Variants in MYOF observed in about 807,000 individuals in gnomAD.
MYOF encodes myoferlin.
Under a neutral mutation model 284.2 loss-of-function variants are expected in MYOF, and 244 were observed. That is an observed-to-expected ratio of 0.86 (90% CI 0.77 to 0.95). The LOEUF (loss-of-function observed/expected upper bound fraction) is 0.95, where lower values mean the gene tolerates loss of function less well. Ranked by LOEUF, MYOF falls within the 40% of genes least tolerant of loss-of-function variation. The probability of loss-of-function intolerance (pLI) is 0.00; values close to 1 mark genes in which losing one functional copy is unlikely to be tolerated. For synonymous variants in MYOF, 904 were observed against 919.7 expected (o/e 0.98, Z 0.31); for missense variants, 2,496 against 2,560.6 (o/e 0.97, Z 0.54).
At chr10:93,346,823 C>G (rs1031663095) in intron 37 of MYOF, among the ~76,000 whole-genome samples, 3 of 152,172 alleles carry the variant, frequency 2.0e-5, no homozygotes, top group African/African-American at 7.2e-5. Flanking sequence ...GGGAACATGC[C>G]TTTCTTGGTC....
intron 1 of MYOF, among the ~76,000 whole-genome samples, chr10:93,476,434 T>C (rs1415317387): frequency 2.0e-5 from 3 of 151,872 alleles, no homozygotes; most frequent in Non-Finnish European, 4.4e-5. Context: ...CTATTTTTAG[T>C]AGAGATGGGG....
In MYOF at chr10:93,353,895, A is replaced by G. The variant is rs1268674140; in HGVS notation, c.3404-7T>C. On this transcript the variant is annotated splice_region_variant and splice_polypyrimidine_tract_variant and intron_variant, in intron 31 of 53. Coordinates refer to ENST00000359263, the MANE Select transcript of MYOF (RefSeq NM_013451.4). ...AGATGGTAGATGTAGACTCCTAAAA[A>G]AACAGGATAAAGATTACTTACAAGA... is the stretch of plus-strand genomic sequence containing the variant. 8 of 1,600,412 alleles carry G rather than the reference A, an allele frequency of 5.0e-6. No homozygotes were observed. The highest frequency in any genetic ancestry group is 6.8e-6 in the Non-Finnish European group (8 of 1,171,232).
chr10:93,351,586 T>G lies in MYOF; in HGVS notation c.3664-15A>C, dbSNP rs1444130129. On this transcript the variant is annotated splice_polypyrimidine_tract_variant and intron_variant, in intron 33 of 53. Coordinates refer to ENST00000359263, the MANE Select transcript of MYOF (RefSeq NM_013451.4). The stretch of plus-strand genomic sequence containing the variant: ...TCATCTTTGCCCTAGAGAAACAAAG[T>G]GATCCTTAAATTCCCCGACAATCAT... The G allele has an allele frequency of 5.0e-6, 8 of 1,612,760 alleles. No individual in the cohort carries two copies. The South Asian group carries it at 8.8e-5, about 18-fold the overall frequency.
At chr10:93,310,210 G>GA in intron 52 of MYOF, 43 bp from the exon 53 acceptor site, 5 of 1,599,730 alleles carry the variant, frequency 3.1e-6, no homozygotes, top group Non-Finnish European at 4.3e-6. Flanking sequence ...ACTCAGGAGG[G>GA]ATGCATATTT....
At chr10:93,318,597 A>C (rs7920334) in intron 49 of MYOF, among the ~76,000 whole-genome samples, 1 of 152,112 alleles carries the variant, frequency 6.6e-6, no homozygotes, top group East Asian at 1.9e-4. Flanking sequence ...CGTCTCTACT[A>C]AAAGTACAAA....
intron 1 of MYOF, among the ~76,000 whole-genome samples, chr10:93,466,954 G>C (rs533546178): frequency 6.6e-6 from 1 of 152,002 alleles, no homozygotes; most frequent in Admixed American, 6.6e-5. Flanking sequence ...CTCCAGCCTG[G>C]GTGACAGAGC....
chr10:93,432,909 T>TAC (rs1379193065), intron 3 of MYOF, among the ~76,000 whole-genome samples: 2 of 152,200 alleles, frequency 1.3e-5, no homozygotes, highest in Admixed American at 1.3e-4. Flanking sequence ...TGAGAATTAA[T>TAC]ACTCAAAACA....
In MYOF at chr10:93,401,528, C is replaced by A; in HGVS notation, c.1007G>T (p.Arg336Leu). Reference protein sequence around the residue: ...GDEPPPERRDRDNDSDDVESN... With the variant: ...GDEPPPERRDLDNDSDDVESN... ...CTCCACATCATCACTGTCATTATCA[C>A]GATCTCGTCTCTCAGGCTATTAGGG... The change falls in exon 12 of 54, where the codon CGT becomes CTT. Residue 336 changes from arginine (R) to leucine (L), a missense_variant. By Grantham distance (102) the Arg-to-Leu change is moderately radical. This residue lies in a region of MYOF where 2,436 missense variants were observed against 2,480.7 expected (regional missense o/e 0.98). Coordinates refer to ENST00000359263, the MANE Select transcript of MYOF (RefSeq NM_013451.4). The A allele has an allele frequency of 6.2e-7, 1 of 1,614,074 alleles. No homozygotes were observed.
chr10:93,341,765 T>C, intron 38 of MYOF: 1 of 396,362 alleles, frequency 2.5e-6, no homozygotes, highest in Non-Finnish European at 4.3e-6. Flanking sequence ...AGAAGATTCT[T>C]CTTTTAGGCT....
Position 93,336,010 on chromosome 10 carries a change from C to A in MYOF, c.4474G>T (p.Glu1492Ter), listed in dbSNP as rs1267531313. The A allele has an allele frequency of 6.2e-7, 1 of 1,613,960 alleles. No homozygotes were observed. The highest frequency in any genetic ancestry group is 8.5e-7 in the Non-Finnish European group (1 of 1,180,008). Residue 1492 changes from glutamate (E) to a stop codon, truncating the protein, a stop_gained, in exon 41 of 54, where the codon GAG (glutamate) becomes TAG (stop). Transcript: ENST00000359263. LOFTEE classifies it high-confidence loss of function. ...NCELENVAEF[E>*]GLTDFSDTFK... ...GTATCTGAGAAGTCTGTCAGGCCCTCAAATTCTGCTACATTTTCTAGTTCA... is the reference window on the plus strand; with the variant it reads ...GTATCTGAGAAGTCTGTCAGGCCCTAAAATTCTGCTACATTTTCTAGTTCA...
chr10:93,418,674 G>A lies in MYOF; in HGVS notation c.433+7397C>T, dbSNP rs201735081. On this transcript the variant is annotated intron_variant, in intron 5 of 53. Coordinates refer to ENST00000359263, the MANE Select transcript of MYOF (RefSeq NM_013451.4). ...TGCAGCGTTTCTCAAAGTGAACTCC[G>A]AAATCTGCCTGCATCAGGCTCTCCA... 4.6e-5 allele frequency among the ~76,000 whole-genome samples: 7 copies of A among 152,290 alleles called. No individual in the cohort carries two copies. In the East Asian group the frequency reaches 9.6e-4, roughly 21 times the overall value.
intron 37 of MYOF, among the ~76,000 whole-genome samples, chr10:93,347,016 A>G (rs371585868): frequency 1.3e-5 from 2 of 152,322 alleles, no homozygotes; most frequent in Admixed American, 1.3e-4. Context: ...CACTTCCTCA[A>G]AAGAAGTCTT....
In MYOF at chr10:93,349,797, C is replaced by T. The variant is rs765107169; in HGVS notation, c.4083+11G>A. ...ACGCGCATGGGTGATCACAGAGAAT[C>T]GATACTGTACCACTTTCATGAAGAG... On this transcript the variant is annotated intron_variant, in intron 36 of 53. Transcript: ENST00000359263. The T allele has an allele frequency of 1.5e-5, 25 of 1,613,280 alleles. 1 individual carries two copies. The highest frequency in any genetic ancestry group is 1.6e-4 in the Middle Eastern group (1 of 6,080).
chr10:93,415,949 T>C (rs1422626979), intron 5 of MYOF, among the ~76,000 whole-genome samples: 1 of 152,178 alleles, frequency 6.6e-6, no homozygotes, highest in Non-Finnish European at 1.5e-5. Flanking sequence ...CTCAGAAGAA[T>C]CATTTTTACT....
At chr10:93,476,465 A>C (rs6583891) in intron 1 of MYOF, among the ~76,000 whole-genome samples, 1 of 151,878 alleles carries the variant, frequency 6.6e-6, no homozygotes, top group South Asian at 2.1e-4. Flanking sequence ...TTGGCCAGGA[A>C]GTTACTTCCC....
At chr10:93,338,410 T>C (rs1843713757) in intron 39 of MYOF, 1 of 456,492 alleles carries the variant, frequency 2.2e-6, no homozygotes, top group Non-Finnish European at 4.4e-6. Context: ...ACCCTTATGT[T>C]TCAAGCTGTA....
chr10:93,388,880 G>A, intron 18 of MYOF, 150 bp downstream of exon 18: 1 of 1,044,054 alleles, frequency 9.6e-7, no homozygotes, highest in Non-Finnish European at 1.3e-6. Context: ...ATCCCCCAGT[G>A]AGATGATCTC....
chr10:93,412,657 G>C (rs1254424806), intron 5 of MYOF, among the ~76,000 whole-genome samples: 3 of 152,144 alleles, frequency 2.0e-5, no homozygotes, highest in Non-Finnish European at 1.5e-5. Context: ...CAGAAGCAAG[G>C]AGCTTGCCTT....
rs774873032 is a variant in MYOF at position 93,482,238 on chromosome 10, G to T, written c.-44C>A. The T allele has an allele frequency of 6.4e-7, 1 of 1,557,092 alleles. No homozygotes were observed. Among genetic ancestry groups the T allele is most frequent in the East Asian group, 2.2e-5 (1 of 44,472 alleles). ...AGCAAGTTTCAGCAAACGAAGTGGA[G>T]ACTAGGGCGCTGGAGCTCCGGGTCG... On this transcript the variant is annotated 5_prime_UTR_variant, in exon 1 of 54. Transcript: ENST00000359263.
Sources: allele counts gnomAD v4.1 joint callset (sites outside exome capture counted in the v4.1 genomes callset), GRCh38; gene constraint gnomAD v4.1.1; regional missense constraint gnomAD v4.1.1; transcripts MANE v1.5; gene names NCBI Gene and HGNC (gene_info 2026-07-23, HGNC 2026-07-21).